SELENOS: variants seen among roughly 807,000 people sequenced by gnomAD.
SELENOS encodes VCP interacting membrane selenoprotein.
A neutral mutation model predicts 30.2 loss-of-function variants in SELENOS; 37 were observed. That is an observed-to-expected ratio of 1.23 (90% CI 0.94 to 1.61). The LOEUF is 1.61. Among genes scored for constraint, SELENOS ranks in the 40% most tolerant of loss-of-function variants. The pLI is 0.00. For missense variants in SELENOS, 289 were observed against 231.8 expected, an observed-to-expected ratio of 1.25 and a Z score of -1.60; for synonymous variants, 119 against 91.6, an observed-to-expected ratio of 1.30 and a Z score of -1.71.
At position 101,272,938 on chromosome 15, in the gene SELENOS, G is replaced by A. The variant is rs2039285612; in HGVS notation, c.485-82C>T. On this transcript the variant is annotated intron_variant, in intron 5 of 5. Coordinates refer to ENST00000526049, the MANE Select transcript of SELENOS (RefSeq NM_018445.6). ...CATTGTATATCCACAATAAAATTATGAGAGTGACACGCAAAGCACTGCAAA... is the reference window on the plus strand; with the variant it reads ...CATTGTATATCCACAATAAAATTATAAGAGTGACACGCAAAGCACTGCAAA... 3.1e-6 allele frequency: 4 copies of A among 1,282,722 alleles called. No homozygotes were observed. In the South Asian group the frequency reaches 3.9e-5, roughly 12 times the overall value. The allele number at this position is 1,282,722 out of a possible 1,614,324, so 79.5% of individuals were successfully genotyped here.
chr15:101,275,543 G>C (rs951185159), intron 2 of SELENOS, among the ~76,000 whole-genome samples, 182 bp from the exon 3 acceptor site: 11 of 152,180 alleles, frequency 7.2e-5, no homozygotes, highest in Non-Finnish European at 1.5e-4. Context: ...GCAGGGGTCT[G>C]TTGCTGAGCC....
chr15:101,273,008 G>GA (rs35124753), intron 5 of SELENOS, among the ~76,000 whole-genome samples, 152 bp from the exon 6 acceptor site: 2,008 of 139,886 alleles, frequency 0.014, 16 homozygotes, highest in Non-Finnish European at 0.019. Flanking sequence ...TTAGCTATGT[G>GA]AAAAAAAAAA....
At chr15:101,274,712 T>A (rs1430667593) in intron 3 of SELENOS, 31 bp from the exon 4 acceptor site, 1 of 1,585,010 alleles carries the variant, frequency 6.3e-7, no homozygotes. Flanking sequence ...ACAGAAAGAA[T>A]TCAGAAGCTG....
At position 101,275,918 on chromosome 15, in the gene SELENOS, G is replaced by GAA. The variant is rs11420308; in HGVS notation, c.212-559_212-558dup. Among the ~76,000 whole-genome samples, 19 of 113,240 alleles carry GAA rather than the reference G, an allele frequency of 1.7e-4. 1 individual carries two copies. The East Asian group carries it at 2.4e-3, about 14-fold the overall frequency. 74.3% of individuals were successfully genotyped at this position (113,240 alleles called of 152,430 possible). ...CAACAAGGCTAGACTCCATCTCATA[G>GAA]AAAAAAAAAAAAAAAAGAAAGAAAA... On this transcript the variant is annotated intron_variant, in intron 2 of 5. Transcript: ENST00000526049.
chr15:101,271,973 G>A (rs2039272637), downstream of SELENOS, among the ~76,000 whole-genome samples: 1 of 152,198 alleles, frequency 6.6e-6, no homozygotes, highest in Admixed American at 6.5e-5. Flanking sequence ...TGGCGTAAGG[G>A]AATAACTGAG....
At chr15:101,276,237 T>C (rs1420538330) in intron 2 of SELENOS, among the ~76,000 whole-genome samples, 1 of 143,992 alleles carries the variant, frequency 6.9e-6, no homozygotes, top group Non-Finnish European at 1.5e-5. Context: ...ACCATATACT[T>C]CCTACTTTTT....
chr15:101,275,532 G>T (rs1315028753), intron 2 of SELENOS, among the ~76,000 whole-genome samples, 171 bp from the exon 3 acceptor site: 3 of 152,102 alleles, frequency 2.0e-5, no homozygotes, highest in Non-Finnish European at 4.4e-5. Flanking sequence ...TGCTTCAGGG[G>T]GCAGGGGTCT....
In SELENOS at chr15:101,276,546, G is replaced by T; in HGVS notation, c.206C>A (p.Ala69Asp). The change falls in exon 2 of 6, where the codon GCT (alanine) becomes GAT (aspartate). Residue 69 changes from alanine to aspartate, a missense_variant. By Grantham distance (126) the Ala-to-Asp change is moderately radical (BLOSUM62 -2). Transcript: ENST00000526049. ...RQRQLDRAAA[A>D]VEPDVVVKRQ... The stretch of plus-strand genomic sequence containing the variant: ...TTCGGTTATCAGGCACTAACCCACA[G>T]CAGCCGCAGCTCGGTCCAGCTGCCT... 1 of 1,603,750 alleles carries T rather than the reference G, an allele frequency of 6.2e-7. No homozygotes were observed. The highest frequency in any genetic ancestry group is 8.5e-7 in the Non-Finnish European group (1 of 1,176,884).
At chr15:101,272,084 G>C (rs2039273825), downstream of SELENOS, 1 of 152,168 alleles carries the variant, frequency 6.6e-6, no homozygotes, top group African/African-American at 2.4e-5. Context: ...CAATTTTGTG[G>C]ATGAACCCCA....
intron 5 of SELENOS, 111 bp from the exon 6 acceptor site, chr15:101,272,967 A>ACAGAT: frequency 1.0e-6 from 1 of 956,000 alleles, no homozygotes; most frequent in South Asian, 1.5e-5. Flanking sequence ...CTGCAAAGAT[A>ACAGAT]CAGATCCTAA....
chr15:101,272,716 A>C lies in SELENOS; in HGVS notation c.*55T>G, dbSNP rs139654873. The C allele has an allele frequency of 6.5e-7, 1 of 1,537,224 alleles. No individual in the cohort carries two copies. Among genetic ancestry groups the C allele is most frequent in the African/African-American group, 1.4e-5 (1 of 73,094 alleles). On this transcript the variant is annotated 3_prime_UTR_variant, in exon 6 of 6. Transcript: ENST00000526049. ...GTGAAAAGCGTGCGTAAGGCAATTGAATCGAGGGTTAAGGGTTCATCTTGC... is the reference window on the plus strand; with the variant it reads ...GTGAAAAGCGTGCGTAAGGCAATTGCATCGAGGGTTAAGGGTTCATCTTGC...
At chr15:101,271,882 A>G (rs1288405910), downstream of SELENOS, among the ~76,000 whole-genome samples, 1 of 152,230 alleles carries the variant, frequency 6.6e-6, no homozygotes, top group African/African-American at 2.4e-5. Flanking sequence ...TGTGGCCTGT[A>G]AAGTCTAAAA....
intron 2 of SELENOS, among the ~76,000 whole-genome samples, chr15:101,276,242 CTTTTTTTTT>C (rs34035984): frequency 5.7e-5 from 7 of 122,482 alleles, no homozygotes; most frequent in African/African-American, 2.3e-4. Context: ...ATACTTCCTA[CTTTTTTTTT>C]TTTTTTTTTT....
chr15:101,275,499 T>C lies in SELENOS; in HGVS notation c.212-138A>G, dbSNP rs953427267. 1.1e-5 allele frequency: 8 copies of C among 720,146 alleles called. No individual in the cohort carries two copies. In the African/African-American group the frequency reaches 1.5e-4, roughly 13 times the overall value. The allele number at this position is 720,146 out of a possible 1,614,324, so 44.6% of individuals were successfully genotyped here. On this transcript the variant is annotated intron_variant, in intron 2 of 5. Coordinates refer to ENST00000526049, the MANE Select transcript of SELENOS (RefSeq NM_018445.6). ...CAACATATTTTTACATAAGTACTCC[T>C]AACCCCTCTGCATACATTTTACTGC... is the stretch of plus-strand genomic sequence containing the variant.
intron 1 of SELENOS, chr15:101,277,136 A>G (rs1347855930): frequency 1.1e-6 from 1 of 877,764 alleles, no homozygotes; most frequent in Non-Finnish European, 1.8e-6. Flanking sequence ...AACAAGGGAC[A>G]GCCGAGCCGC....
rs751163046 is a variant in SELENOS, at chr15:101,272,795, GCCT to G, written c.543_545del (p.Arg181_Gly182delinsSer). 21 of 1,610,080 alleles carry G rather than the reference GCCT, an allele frequency of 1.3e-5. No individual in the cohort carries two copies. Among genetic ancestry groups the G allele is most frequent in the Non-Finnish European group, 1.7e-6 (2 of 1,178,240 alleles). ...CTTAGCCTCATCCGCCAGATGACGG[GCCT>G]CTGCGTCCAGGTCTCCAGGAGCAAG... is the stretch of plus-strand genomic sequence containing the variant. On this transcript the variant is annotated inframe_deletion, in exon 6 of 6. Transcript: ENST00000526049.
chr15:101,276,358 C>A, intron 2 of SELENOS, 183 bp downstream of exon 2: 1 of 682,972 alleles, frequency 1.5e-6, no homozygotes, highest in Non-Finnish European at 2.2e-6. Context: ...AAGTGATTAT[C>A]CCGCCTCAGC....
chr15:101,272,535 A>C lies in SELENOS; in HGVS notation c.*236T>G. ...TTTACCTACCAACTAGCAATTAACC[A>C]TGAAATCAATGAATGCAATCACTGT... On this transcript the variant is annotated 3_prime_UTR_variant, in exon 6 of 6. Transcript: ENST00000526049. 1 of 467,212 alleles carries C rather than the reference A, an allele frequency of 2.1e-6. No individual in the cohort carries two copies. The allele number at this position is 467,212 out of a possible 1,614,324, so 28.9% of individuals were successfully genotyped here. A position where few individuals can be genotyped will look rare whatever the true frequency, so the allele number is the denominator to read the frequency against.
rs1259790164 is a variant in SELENOS at position 101,272,679 on chromosome 15, T to C, written c.*92A>G. 6 of 1,335,892 alleles carry C rather than the reference T, an allele frequency of 4.5e-6. No homozygotes were observed. Among genetic ancestry groups the C allele is most frequent in the Non-Finnish European group, 6.3e-6 (6 of 953,912 alleles). The allele number at this position is 1,335,892 out of a possible 1,614,324, so 82.8% of individuals were successfully genotyped here. A position where few individuals can be genotyped will look rare whatever the true frequency, so the allele number is the denominator to read the frequency against. ...AACAGAAATCAACCCCACCTCCCCTTGGCTAGTCACTGTGAAAAGCGTGCG... is the reference window on the plus strand; with the variant it reads ...AACAGAAATCAACCCCACCTCCCCTCGGCTAGTCACTGTGAAAAGCGTGCG... On this transcript the variant is annotated 3_prime_UTR_variant, in exon 6 of 6. Transcript: ENST00000526049.
Sources: allele counts gnomAD v4.1 joint callset (sites outside exome capture counted in the v4.1 genomes callset), GRCh38; gene constraint gnomAD v4.1.1; transcripts MANE v1.5; gene names NCBI Gene and HGNC (gene_info 2026-07-23, HGNC 2026-07-21).